The following XPO5 variants were observed in gnomAD, a reference collection of about 807,000 sequenced individuals.
The protein encoded by XPO5 is exportin 5.
XPO5 carries 46 observed loss-of-function variants against 160.6 expected under a neutral mutation model. The ratio of observed to expected loss-of-function variants is 0.29; its 90% CI spans 0.23 to 0.37. XPO5 has a LOEUF of 0.37. Among genes scored for constraint, XPO5 ranks in the 10% least tolerant of loss-of-function variants. The pLI, the probability that XPO5 is intolerant of heterozygous loss-of-function variation, is 1.00. For synonymous variants in XPO5, 537 were observed against 519.3 expected (o/e 1.03, Z -0.46); for missense variants, 1,090 against 1,463.9 (o/e 0.74, Z 4.17).
chr6:43,555,246 T>C (rs1416331331), intron 13 of XPO5: 1 of 152,304 alleles, frequency 6.6e-6, no homozygotes, highest in South Asian at 2.1e-4. Flanking sequence ...CCAGCCTTTT[T>C]GCTTTATTAA....
rs73733564 is a variant in XPO5 at position 43,525,316 on chromosome 6, C to T, written c.3067-102G>A. ...CGGAGGGTTTTTTTTTTTTCCTCCC[C>T]CCCTCTAAAGATGGGTTTGTTTTGT... On this transcript the variant is annotated intron_variant, in intron 28 of 31. Transcript: ENST00000265351. The T allele has an allele frequency of 7.6e-3, 8,542 of 1,127,846 alleles. 513 individuals carry two copies. The African/African-American group carries it at 0.12, about 16-fold the overall frequency. The allele number at this position is 1,127,846 out of a possible 1,614,324, so 69.9% of individuals were successfully genotyped here.
At chr6:43,559,202 CAGG>C (rs1168270562) in intron 11 of XPO5, 2 of 152,478 alleles carry the variant, frequency 1.3e-5, no homozygotes, top group Non-Finnish European at 2.9e-5. Context: ...GAGGCTGAGG[CAGG>C]AGAATTGCTT....
intron 24 of XPO5, 145 bp downstream of exon 24, chr6:43,528,683 A>G (rs1269205078): frequency 5.4e-6 from 4 of 740,726 alleles, no homozygotes; most frequent in African/African-American, 5.3e-5. Context: ...TACAGCAAGG[A>G]TAGTCAGCTG....
At chr6:43,567,910 T>C (rs1012597982) in intron 6 of XPO5, among the ~76,000 whole-genome samples, 1 of 147,088 alleles carries the variant, frequency 6.8e-6, no homozygotes. Context: ...TACTCTAGCC[T>C]GGGTGACAAA....
rs1386336649 is a variant in XPO5 at position 43,570,487 on chromosome 6, AG to A, written c.621+14del. ...ATTGGAAAATAGAAATGTTATAGGTAGGGGTATCCCTTACCACTTGCTGATA... is the reference window on the plus strand; with the variant it reads ...ATTGGAAAATAGAAATGTTATAGGTAGGGTATCCCTTACCACTTGCTGATA... On this transcript the variant is annotated intron_variant, in intron 5 of 31. Coordinates refer to ENST00000265351, the MANE Select transcript of XPO5 (RefSeq NM_020750.3). 3 of 1,608,588 alleles carry A rather than the reference AG, an allele frequency of 1.9e-6. No individual in the cohort carries two copies. Among genetic ancestry groups the A allele is most frequent in the East Asian group, 2.2e-5 (1 of 44,780 alleles).
intron 24 of XPO5, 109 bp from the exon 25 acceptor site, chr6:43,528,314 G>C (rs1561864326): frequency 2.6e-6 from 3 of 1,157,150 alleles, no homozygotes; most frequent in Non-Finnish European, 3.8e-6. Flanking sequence ...GATGATTCTA[G>C]GCATCAATGA....
rs368000134 is a variant in XPO5 at position 43,555,897 on chromosome 6, C to A, written c.1380G>T (p.Gln460His). 6.8e-6 allele frequency: 11 copies of A among 1,613,888 alleles called. No homozygotes were observed. The African/African-American group carries it at 1.5e-4, about 22-fold the overall frequency. Residue 460 changes from glutamine (Q) to histidine (H), a missense_variant, in exon 13 of 32, where the codon CAG (glutamine) becomes CAT (histidine). Around this residue, in one of 3 missense-constraint regions of XPO5, gnomAD observed 810 missense variants for 1,139.0 expected, o/e 0.71. Coordinates refer to ENST00000265351, the MANE Select transcript of XPO5 (RefSeq NM_020750.3). Reference protein sequence around the residue: ...ACRLDPKTSFQMAGEWLKYQL... With the variant: ...ACRLDPKTSFHMAGEWLKYQL... ...GATACTTTAGCCACTCCCCAGCCATCTGGAAGCTAGTTTTGGGATCCAAAC... is the reference window on the plus strand; with the variant it reads ...GATACTTTAGCCACTCCCCAGCCATATGGAAGCTAGTTTTGGGATCCAAAC...
In XPO5 at chr6:43,529,235, C is replaced by T. The variant is rs1793790843; in HGVS notation, c.2678-310G>A. On this transcript the variant is annotated intron_variant, in intron 23 of 31. Transcript: ENST00000265351. ...GTAACAAACTCTCCTTCACCATTCT[C>T]CTTATAATTTCAGGTAAGAAAGATT... The T allele has an allele frequency of 2.2e-6, 3 of 1,394,252 alleles. No individual in the cohort carries two copies. In the African/African-American group the frequency reaches 4.4e-5, roughly 20 times the overall value. The allele number at this position is 1,394,252 out of a possible 1,614,324, so 86.4% of individuals were successfully genotyped here. A position where few individuals can be genotyped will look rare whatever the true frequency, so the allele number is the denominator to read the frequency against.
At chr6:43,557,996 G>T (rs1762194989) in intron 12 of XPO5, among the ~76,000 whole-genome samples, 1 of 151,782 alleles carries the variant, frequency 6.6e-6, no homozygotes, top group African/African-American at 2.4e-5. Context: ...TTGGGAAGCT[G>T]AGGCAGGAGA....
At chr6:43,547,821 G>A (rs1368723641) in intron 18 of XPO5, 114 bp from the exon 19 acceptor site, 1 of 789,620 alleles carries the variant, frequency 1.3e-6, no homozygotes, top group Non-Finnish European at 2.1e-6. Flanking sequence ...TTTTTATAGT[G>A]AGAGGAGTAT....
At chr6:43,536,464 G>C (rs911303607) in intron 20 of XPO5, among the ~76,000 whole-genome samples, 1 of 149,966 alleles carries the variant, frequency 6.7e-6, no homozygotes, top group Non-Finnish European at 1.5e-5. Context: ...ATATGGTCTA[G>C]AAGTTTTACT....
Position 43,524,474 on chromosome 6 carries a change from A to T in XPO5, c.3474T>A (p.Ile1158=). 1 of 1,613,330 alleles carries T rather than the reference A, an allele frequency of 6.2e-7. No individual in the cohort carries two copies. The highest frequency in any genetic ancestry group is 8.5e-7 in the Non-Finnish European group (1 of 1,179,828). Residue 1158 remains isoleucine (I), a synonymous_variant, in exon 31 of 32, where the codon ATT becomes ATA. Transcript: ENST00000265351. ...CTATTGAAGGTGCATGACCTACCCC[A>T]ATGCAACCAGCAATGAGGCGTTTGA... ...DQFKRLIAGC[I]GKPLGEQFRK...
At chr6:43,549,637 A>G (rs1037274685) in intron 16 of XPO5, 59 bp from the exon 17 acceptor site, 1 of 1,562,932 alleles carries the variant, frequency 6.4e-7, no homozygotes, top group African/African-American at 1.4e-5. Flanking sequence ...CAGGTGCTGC[A>G]TAGACTCATG....
chr6:43,533,223 C>CACACAT (rs1327281991), intron 21 of XPO5: 2 of 109,018 alleles, frequency 1.8e-5, no homozygotes, highest in Non-Finnish European at 3.4e-5. Context: ...TACACACACA[C>CACACAT]ACACACACAC....
chr6:43,569,427 G>A (rs1337534560), intron 5 of XPO5, among the ~76,000 whole-genome samples: 1 of 150,442 alleles, frequency 6.6e-6, no homozygotes, highest in African/African-American at 2.4e-5. Flanking sequence ...GGCACATAAT[G>A]TTAACTTACA....
chr6:43,569,310 A>AAAC (rs1417855639), intron 5 of XPO5, among the ~76,000 whole-genome samples: 4,871 of 144,408 alleles, frequency 0.034, 266 homozygotes, highest in African/African-American at 0.11. Context: ...AAAAAACAAC[A>AAAC]AAAAAAAATA....
intron 7 of XPO5, among the ~76,000 whole-genome samples, chr6:43,566,420 T>C (rs79474212): frequency 0.036 from 5,523 of 151,700 alleles, 344 homozygotes; most frequent in African/African-American, 0.13. Flanking sequence ...AATAAATAAA[T>C]GTGTTGGGCA....
rs1794979558 is a variant in XPO5, at chr6:43,546,703, C to G, written c.2210G>C (p.Trp737Ser). The change falls in exon 20 of 32, where the codon TGG (tryptophan) becomes TCG (serine). Residue 737 changes from tryptophan (W) to serine (S), a missense_variant. Physicochemically the swap from Trp to Ser is radical, Grantham distance 177 (BLOSUM62 -3). This residue lies in a region of XPO5 where 810 missense variants were observed against 1,139.0 expected (regional missense o/e 0.71). Transcript: ENST00000265351. ...SILGVVKRTC[W>S]PTDLEEAKAG... ...TTTGGCCTCTTCTAGGTCAGTGGGCCAGCAAGTTCGTTTCACCACACCCAG... is the reference window on the plus strand; with the variant it reads ...TTTGGCCTCTTCTAGGTCAGTGGGCGAGCAAGTTCGTTTCACCACACCCAG... The G allele has an allele frequency of 6.2e-7, 1 of 1,612,222 alleles. No homozygotes were observed. Among genetic ancestry groups the G allele is most frequent in the African/African-American group, 1.3e-5 (1 of 74,732 alleles).
intron 22 of XPO5, 97 bp downstream of exon 22, chr6:43,531,381 GC>G: frequency 9.1e-7 from 1 of 1,100,306 alleles, no homozygotes; most frequent in Non-Finnish European, 1.4e-6. Context: ...CTCTTGCCTC[GC>G]CTTACCTGTA....
Sources: allele counts gnomAD v4.1 joint callset (sites outside exome capture counted in the v4.1 genomes callset), GRCh38; gene constraint gnomAD v4.1.1; regional missense constraint gnomAD v4.1.1; transcripts MANE v1.5; gene names NCBI Gene and HGNC (gene_info 2026-07-23, HGNC 2026-07-21).